Variants in ALG9 observed in about 807,000 individuals in gnomAD.
ALG9 encodes the protein alpha-1,2-mannosyltransferase ALG9.
Under a neutral mutation model 81.8 loss-of-function variants are expected in ALG9, and 55 were observed. That is an observed-to-expected ratio of 0.67 (90% confidence interval 0.54 to 0.84). ALG9 has a LOEUF of 0.84. Among genes scored for constraint, ALG9 ranks in the 40% least tolerant of loss-of-function variants. The pLI is 0.00. For missense variants in ALG9, 629 were observed against 745.0 expected, an observed-to-expected ratio of 0.84 and a Z score of 1.81; for synonymous variants, 278 against 274.3, an observed-to-expected ratio of 1.01 and a Z score of -0.13.
At chr11:111,770,226 C>G in the ALG9 span, among the ~76,000 whole-genome samples, 1 of 152,308 alleles carries the variant, frequency 6.6e-6, no homozygotes, top group East Asian at 1.9e-4. Context: ...CCAACCCAGA[C>G]CTACTGAATT....
intron 1 of ALG9, chr11:111,870,924 C>T: frequency 1.0e-6 from 1 of 1,003,526 alleles, no homozygotes; most frequent in Non-Finnish European, 1.2e-6. Flanking sequence ...TGACAGCTCC[C>T]TTAATGCAGT....
At chr11:111,849,956 G>C (rs1459124979) in intron 8 of ALG9, among the ~76,000 whole-genome samples, 1 of 152,092 alleles carries the variant, frequency 6.6e-6, no homozygotes, top group Admixed American at 6.6e-5. Flanking sequence ...ATGCCAAATA[G>C]TGCCCAACAT....
intron 14 of ALG9, among the ~76,000 whole-genome samples, chr11:111,794,667 T>A (rs1258523091): frequency 6.6e-6 from 1 of 152,098 alleles, no homozygotes; most frequent in African/African-American, 2.4e-5. Context: ...TACCTATCTA[T>A]CTATCCATCC....
intron 13 of ALG9, among the ~76,000 whole-genome samples, chr11:111,833,091 T>C (rs561008421): frequency 1.6e-4 from 24 of 152,238 alleles, no homozygotes; most frequent in African/African-American, 5.8e-4. Context: ...TAAATTAAAG[T>C]CAGAAAAAAG....
At chr11:111,854,300 C>G (rs1958325120) in intron 6 of ALG9, among the ~76,000 whole-genome samples, 1 of 137,810 alleles carries the variant, frequency 7.3e-6, no homozygotes, top group Non-Finnish European at 1.5e-5. Flanking sequence ...GACAGAGTCT[C>G]ACTCTGTCGC....
rs572416396 is a variant in ALG9 at position 111,790,847 on chromosome 11, T to C, written c.1734-4327A>G. 9.8e-5 allele frequency among the ~76,000 whole-genome samples: 15 copies of C among 152,306 alleles called. 1 individual carries two copies. In the South Asian group the frequency reaches 2.9e-3, roughly 29 times the overall value. On this transcript the variant is annotated intron_variant, in intron 14 of 14. Coordinates refer to ENST00000616540, the MANE Select transcript of ALG9 (RefSeq NM_024740.2). ...CTGATGAGGAATCAGGAAACAGATA[T>C]TGCCAGTGAAAGTGTAAGCCTGCAC... is the stretch of plus-strand genomic sequence containing the variant.
At chr11:111,808,287 A>T (rs1406428832) in intron 14 of ALG9, among the ~76,000 whole-genome samples, 1 of 152,060 alleles carries the variant, frequency 6.6e-6, no homozygotes, top group Non-Finnish European at 1.5e-5. Flanking sequence ...CTTCCTTGCC[A>T]GTTATAATTA....
chr11:111,806,738 C>CT (rs1183816860), intron 14 of ALG9, among the ~76,000 whole-genome samples: 2 of 152,200 alleles, frequency 1.3e-5, no homozygotes, highest in Non-Finnish European at 2.9e-5. Context: ...CCCTTGAACT[C>CT]TAGACTGTAT....
chr11:111,847,955 T>C (rs1395539749), intron 8 of ALG9, among the ~76,000 whole-genome samples: 1 of 152,188 alleles, frequency 6.6e-6, no homozygotes, highest in Non-Finnish European at 1.5e-5. Context: ...CAACTCATGC[T>C]CTCTGCTTTA....
chr11:111,802,835 G>C (rs1555081689), intron 14 of ALG9, among the ~76,000 whole-genome samples: 1 of 152,106 alleles, frequency 6.6e-6, no homozygotes, highest in African/African-American at 2.4e-5. Flanking sequence ...TGTAGCTTCT[G>C]TGTCTCTCGC....
downstream of ALG9, among the ~76,000 whole-genome samples, chr11:111,777,629 C>A (rs1318535818): frequency 6.6e-6 from 1 of 151,834 alleles, no homozygotes; most frequent in African/African-American, 2.4e-5. Context: ...TCCCAGTAAT[C>A]ACAGACTATG....
At chr11:111,815,532 A>G (rs2136494091) in intron 13 of ALG9, among the ~76,000 whole-genome samples, 1 of 152,222 alleles carries the variant, frequency 6.6e-6, no homozygotes, top group East Asian at 1.9e-4. Context: ...ACACACAAGG[A>G]CAAAGGCCTC....
intron 8 of ALG9, among the ~76,000 whole-genome samples, chr11:111,850,531 TC>T (rs1235782820): frequency 6.7e-6 from 1 of 150,226 alleles, no homozygotes; most frequent in East Asian, 2.0e-4. Flanking sequence ...CATGGTGAAA[TC>T]CCTGTCTCTA....
chr11:111,790,506 TAGA>T (rs782676132), intron 14 of ALG9, among the ~76,000 whole-genome samples: 18 of 152,006 alleles, frequency 1.2e-4, no homozygotes, highest in Non-Finnish European at 2.4e-4. Flanking sequence ...TGGACTGAAA[TAGA>T]AGAAGGACTA....
At position 111,856,087 on chromosome 11, in the gene ALG9, G is replaced by A. The variant is rs1034745697; in HGVS notation, c.701+1515C>T. ...AGGTCAGGAGTTCGAGACCAGCCTG[G>A]CCAATATGGTAAAACCTCGTCTCTA... On this transcript the variant is annotated intron_variant, in intron 6 of 14. Coordinates refer to ENST00000616540, the MANE Select transcript of ALG9 (RefSeq NM_024740.2). Among the ~76,000 whole-genome samples the A allele has an allele frequency of 2.6e-5, 4 of 152,040 alleles. No individual in the cohort carries two copies. In the South Asian group the frequency reaches 8.3e-4, roughly 32 times the overall value.
At chr11:111,846,888 C>T (rs1253438743) in intron 8 of ALG9, among the ~76,000 whole-genome samples, 3 of 152,112 alleles carry the variant, frequency 2.0e-5, no homozygotes, top group South Asian at 2.1e-4. Flanking sequence ...ACAAGCTAAA[C>T]GCTGAACTGG....
At position 111,870,366 on chromosome 11, in the gene ALG9, A is replaced by G. The variant is rs1963898641; in HGVS notation, c.136T>C (p.Ser46Pro). The G allele has an allele frequency of 1.3e-6, 2 of 1,544,830 alleles. No individual in the cohort carries two copies. Among genetic ancestry groups the G allele is most frequent in the Non-Finnish European group, 1.7e-6 (2 of 1,151,592 alleles). The change falls in exon 2 of 15, where the codon TCT becomes CCT. Residue 46 changes from serine to proline, a missense_variant. Physicochemically the swap from Ser to Pro is moderately conservative, Grantham distance 74 (BLOSUM62 -1). This residue lies in a region of ALG9 where 344 missense variants were observed against 390.5 expected (regional missense o/e 0.88). Coordinates refer to ENST00000616540, the MANE Select transcript of ALG9 (RefSeq NM_024740.2). Reference protein sequence around the residue: ...AGGAEHRTELSGNKAGQVWAP... With the variant: ...AGGAEHRTELPGNKAGQVWAP... ...CAGACTTGTCCTGCTTTGTTCCCAG[A>G]TAACCTGTTCAAAAGCAAAAAAAAA...
intron 3 of ALG9, among the ~76,000 whole-genome samples, chr11:111,866,532 C>T (rs890684003): frequency 1.3e-5 from 2 of 151,994 alleles, no homozygotes; most frequent in African/African-American, 4.8e-5. Context: ...CTCTAAGCTA[C>T]AATTCCCCTT....
intron 2 of ALG9, among the ~76,000 whole-genome samples, chr11:111,869,377 GTAA>G (rs1566300886): frequency 6.6e-6 from 1 of 151,930 alleles, no homozygotes; most frequent in African/African-American, 2.4e-5. Context: ...AAGTCAACAG[GTAA>G]TGTGTAAATC....
Sources: gnomAD v4.1 joint callset for allele counts (sites outside exome capture counted in the v4.1 genomes callset) on GRCh38, gnomAD v4.1.1 for gene constraint, gnomAD v4.1.1 regional missense constraint, MANE v1.5 for transcripts, NCBI Gene and HGNC (gene_info 2026-07-23, HGNC 2026-07-21) for gene names.